Variants in SGCZ observed in about 807,000 individuals in gnomAD.
SGCZ encodes the protein sarcoglycan zeta, also known as zeta-sarcoglycan.
SGCZ carries 40 observed loss-of-function variants against 41.3 expected under a neutral mutation model. The observed-to-expected ratio is 0.97, with a 90% CI of 0.75 to 1.26. The LOEUF is 1.26. SGCZ is among the 50% of genes most tolerant of loss of function. The pLI, the probability that SGCZ is intolerant of heterozygous loss-of-function variation, is 0.00. For missense variants in SGCZ, 552 were observed against 369.8 expected (o/e 1.49, Z -4.04); for synonymous variants, 206 against 137.5 (o/e 1.50, Z -3.49).
chr8:15,172,830 C>T (rs1799884802), intron 1 of SGCZ, among the ~76,000 whole-genome samples: 1 of 152,100 alleles, frequency 6.6e-6, no homozygotes, highest in Non-Finnish European at 1.5e-5. Context: ...CAAGATTTTA[C>T]CTGAATTCTT....
intron 1 of SGCZ, among the ~76,000 whole-genome samples, chr8:14,760,264 T>C (rs1032464566): frequency 2.6e-5 from 4 of 152,268 alleles, no homozygotes; most frequent in African/African-American, 9.6e-5. Flanking sequence ...TAACAACCAC[T>C]AAGTAAATGA....
intron 1 of SGCZ, among the ~76,000 whole-genome samples, chr8:14,874,374 G>T (rs1804270911): frequency 6.6e-6 from 1 of 151,790 alleles, no homozygotes; most frequent in Admixed American, 6.6e-5. Flanking sequence ...ATTTTTCCCT[G>T]GTGTTTTCTA....
At chr8:15,048,288 G>A (rs375080291) in intron 1 of SGCZ, among the ~76,000 whole-genome samples, 1 of 152,120 alleles carries the variant, frequency 6.6e-6, no homozygotes, top group African/African-American at 2.4e-5. Context: ...TGGATCCCAT[G>A]AAGGTACAAA....
chr8:15,202,765 G>C (rs2117137944), intron 1 of SGCZ, among the ~76,000 whole-genome samples: 1 of 152,232 alleles, frequency 6.6e-6, no homozygotes, highest in East Asian at 1.9e-4. Context: ...TTAGAAATGA[G>C]AGAAATTAAC....
intron 2 of SGCZ, among the ~76,000 whole-genome samples, chr8:14,522,535 T>C (rs1802821180): frequency 6.6e-6 from 1 of 151,946 alleles, no homozygotes; most frequent in African/African-American, 2.4e-5. Flanking sequence ...TTTCCTTTTT[T>C]ATCCTTTTGA....
intron 1 of SGCZ, among the ~76,000 whole-genome samples, chr8:14,881,609 G>C (rs1024247737): frequency 1.3e-5 from 2 of 152,004 alleles, no homozygotes; most frequent in Non-Finnish European, 2.9e-5. Context: ...CTGAAACTCT[G>C]TATCTCCCAC....
rs191302123 is a variant in SGCZ, at chr8:14,192,885, G to C, written c.425-28183C>G. 9.2e-5 allele frequency among the ~76,000 whole-genome samples: 14 copies of C among 152,118 alleles called. No homozygotes were observed. In the East Asian group the frequency reaches 2.5e-3, roughly 27 times the overall value. ...AAATAATCAGTGCAGTATTTCTTGAGACTATACTTTATACATTATATGTTT... is the reference window on the plus strand; with the variant it reads ...AAATAATCAGTGCAGTATTTCTTGACACTATACTTTATACATTATATGTTT... On this transcript the variant is annotated intron_variant, in intron 4 of 7. Coordinates refer to ENST00000382080, the MANE Select transcript of SGCZ (RefSeq NM_139167.4).
intron 5 of SGCZ, among the ~76,000 whole-genome samples, chr8:14,144,227 C>T (rs1422806465): frequency 1.3e-5 from 2 of 152,108 alleles, no homozygotes; most frequent in Non-Finnish European, 2.9e-5. Context: ...CAAATGAGAC[C>T]CCATCCTTCC....
intron 1 of SGCZ, among the ~76,000 whole-genome samples, chr8:15,023,002 A>T (rs1803314883): frequency 6.6e-6 from 1 of 152,116 alleles, no homozygotes; most frequent in Non-Finnish European, 1.5e-5. Context: ...ATGACCTTAA[A>T]CTACTGTGGG....
intron 2 of SGCZ, among the ~76,000 whole-genome samples, chr8:14,517,047 A>T (rs1391020412): frequency 6.6e-6 from 1 of 151,708 alleles, no homozygotes; most frequent in Non-Finnish European, 1.5e-5. Flanking sequence ...TCCCCCTATG[A>T]CTCGTAAATT....
chr8:14,909,492 A>AT (rs1469659460), intron 1 of SGCZ, among the ~76,000 whole-genome samples: 1 of 152,038 alleles, frequency 6.6e-6, no homozygotes, highest in Non-Finnish European at 1.5e-5. Flanking sequence ...GTTATCTTAA[A>AT]TTATCTGTGT....
At chr8:14,415,755 G>C (rs1799475619) in intron 2 of SGCZ, among the ~76,000 whole-genome samples, 2 of 151,820 alleles carry the variant, frequency 1.3e-5, no homozygotes, top group Admixed American at 1.3e-4. Flanking sequence ...AGACTCAGAT[G>C]CACCACCTCA....
At chr8:14,764,659 C>G (rs1394516490) in intron 1 of SGCZ, among the ~76,000 whole-genome samples, 2 of 152,072 alleles carry the variant, frequency 1.3e-5, no homozygotes, top group African/African-American at 4.8e-5. Flanking sequence ...GGGGTCATCG[C>G]TCTAGATTAA....
intron 3 of SGCZ, among the ~76,000 whole-genome samples, chr8:14,266,365 G>A (rs1464454909): frequency 6.6e-6 from 1 of 152,046 alleles, no homozygotes; most frequent in Non-Finnish European, 1.5e-5. Flanking sequence ...ATGATAATAT[G>A]TTTCACACAC....
chr8:15,099,355 T>C (rs533913019), intron 1 of SGCZ, among the ~76,000 whole-genome samples: 22 of 152,294 alleles, frequency 1.4e-4, no homozygotes, highest in African/African-American at 4.6e-4. Flanking sequence ...ACCAATTATA[T>C]GCCCATAAAC....
chr8:14,142,605 G>C (rs375728023), intron 5 of SGCZ, among the ~76,000 whole-genome samples: 10 of 152,138 alleles, frequency 6.6e-5, no homozygotes, highest in African/African-American at 2.4e-4. Context: ...GGTGTGGCTG[G>C]GGAGGGAGCC....
At chr8:14,347,924 C>A (rs1010299557) in intron 2 of SGCZ, among the ~76,000 whole-genome samples, 1 of 152,120 alleles carries the variant, frequency 6.6e-6, no homozygotes. Context: ...TTTCTCTAAA[C>A]TGAGAATATA....
intron 4 of SGCZ, among the ~76,000 whole-genome samples, chr8:14,194,439 A>G (rs1269565344): frequency 6.6e-6 from 1 of 151,912 alleles, no homozygotes; most frequent in Non-Finnish European, 1.5e-5. Flanking sequence ...AGAGTACTAT[A>G]TAAAGAACAG....
chr8:14,539,936 G>C (rs1023133502), intron 2 of SGCZ, among the ~76,000 whole-genome samples: 1 of 151,926 alleles, frequency 6.6e-6, no homozygotes, highest in East Asian at 1.9e-4. Flanking sequence ...CAGTAGATGA[G>C]ATCACCTAGG....
Sources: gnomAD v4.1 joint callset for allele counts (sites outside exome capture counted in the v4.1 genomes callset) on GRCh38, gnomAD v4.1.1 for gene constraint, MANE v1.5 for transcripts, NCBI Gene and HGNC (gene_info 2026-07-23, HGNC 2026-07-21) for gene names.